GABRB1: variants seen among roughly 807,000 people sequenced by gnomAD.
GABRB1 encodes gamma-aminobutyric acid receptor subunit beta-1.
A neutral mutation model predicts 51.6 loss-of-function variants in GABRB1; 17 were observed. The ratio of observed to expected loss-of-function variants is 0.33; its 90% CI spans 0.23 to 0.49. The LOEUF is 0.49. Ranked by LOEUF, GABRB1 falls within the 20% of genes least tolerant of loss-of-function variation. The pLI, the probability that GABRB1 is intolerant of heterozygous loss-of-function variation, is 0.99. For synonymous variants in GABRB1, 247 were observed against 218.9 expected (o/e 1.13, Z -1.14); for missense variants, 410 against 600.6 (o/e 0.68, Z 3.32).
In GABRB1 at chr4:47,358,355, G is replaced by A. The variant is rs76968377; in HGVS notation, c.544+38146G>A. The stretch of plus-strand genomic sequence containing the variant: ...TGCTATATATATGCATATTATATAT[G>A]TGTGTGTGTATATATATGTGTGTGT... On this transcript the variant is annotated intron_variant, in intron 5 of 8. Coordinates refer to ENST00000295454, the MANE Select transcript of GABRB1 (RefSeq NM_000812.4). Among the ~76,000 whole-genome samples the A allele has an allele frequency of 7.8e-3, 1,153 of 148,016 alleles. 9 individuals carry two copies. Among genetic ancestry groups the A allele is most frequent in the African/African-American group, 0.028 (1,050 of 37,972 alleles).
intron 3 of GABRB1, among the ~76,000 whole-genome samples, chr4:47,136,959 G>A (rs1425878984): frequency 6.6e-6 from 1 of 152,042 alleles, no homozygotes; most frequent in Non-Finnish European, 1.5e-5. Context: ...CAAAAATCAA[G>A]CACCTGCAAA....
At chr4:47,166,690 A>G (rs1344645791) in intron 4 of GABRB1, among the ~76,000 whole-genome samples, 4 of 151,938 alleles carry the variant, frequency 2.6e-5, no homozygotes, top group Non-Finnish European at 5.9e-5. Flanking sequence ...AAGAGCCCTT[A>G]ATCCCTACAT....
intron 7 of GABRB1, among the ~76,000 whole-genome samples, chr4:47,404,544 A>T (rs1728506520): frequency 6.6e-6 from 1 of 151,390 alleles, no homozygotes; most frequent in South Asian, 2.1e-4. Flanking sequence ...TTCTGGCTAA[A>T]CTAACATATT....
chr4:47,306,356 G>A (rs189121650), intron 4 of GABRB1, among the ~76,000 whole-genome samples: 90 of 151,500 alleles, frequency 5.9e-4, no homozygotes, highest in African/African-American at 2.0e-3. Flanking sequence ...GTGGGAGGGA[G>A]GGGAACAGTG....
chr4:47,063,133 G>A (rs372663398), intron 3 of GABRB1, among the ~76,000 whole-genome samples: 1 of 152,010 alleles, frequency 6.6e-6, no homozygotes, highest in Non-Finnish European at 1.5e-5. Flanking sequence ...CCCCAAGCTC[G>A]TCTCTCACCT....
intron 4 of GABRB1, among the ~76,000 whole-genome samples, chr4:47,294,153 G>A (rs4695210): frequency 0.064 from 9,801 of 152,180 alleles, 517 homozygotes; most frequent in East Asian, 0.28. Flanking sequence ...GAACAGCTCC[G>A]TTCTACAGCT....
At position 47,279,858 on chromosome 4, in the gene GABRB1, T is replaced by A. The variant is rs181422139; in HGVS notation, c.462-40269T>A. Among the ~76,000 whole-genome samples, 467 of 152,006 alleles carry A rather than the reference T, an allele frequency of 3.1e-3. 5 individuals carry two copies. Among genetic ancestry groups the A allele is most frequent in the African/African-American group, 0.011 (442 of 41,452 alleles). On this transcript the variant is annotated intron_variant, in intron 4 of 8. Transcript: ENST00000295454. ...AATATAGTTTGGTCTTTTTTTTTTT[T>A]TAAATTCATTCAGTCACTCCTTAGA...
At chr4:47,362,964 A>G (rs887198735) in intron 5 of GABRB1, among the ~76,000 whole-genome samples, 1 of 152,084 alleles carries the variant, frequency 6.6e-6, no homozygotes, top group Non-Finnish European at 1.5e-5. Flanking sequence ...GCAAGATGCT[A>G]CACGAAGAAA....
chr4:47,149,613 C>T (rs151150681), intron 3 of GABRB1, among the ~76,000 whole-genome samples: 6 of 152,058 alleles, frequency 3.9e-5, no homozygotes, highest in African/African-American at 1.2e-4. Context: ...TTTTCCCATG[C>T]CATTAGTATG....
At chr4:47,334,284 C>A (rs1396772183) in intron 5 of GABRB1, among the ~76,000 whole-genome samples, 1 of 152,100 alleles carries the variant, frequency 6.6e-6, no homozygotes, top group African/African-American at 2.4e-5. Flanking sequence ...AAAAGCCTGT[C>A]TCACCTGTCC....
At chr4:47,025,099 T>C (rs934541487) in intron 1 of GABRB1, among the ~76,000 whole-genome samples, 2 of 150,582 alleles carry the variant, frequency 1.3e-5, no homozygotes, top group Admixed American at 6.7e-5. Context: ...ATCACATATA[T>C]ATATCATATA....
chr4:47,199,996 T>C (rs1279692858), intron 4 of GABRB1, among the ~76,000 whole-genome samples: 2 of 152,166 alleles, frequency 1.3e-5, no homozygotes, highest in Non-Finnish European at 2.9e-5. Flanking sequence ...GATATATTGA[T>C]TAACCAGGGT....
chr4:47,371,478 G>A (rs1727193259), intron 5 of GABRB1, among the ~76,000 whole-genome samples: 1 of 152,148 alleles, frequency 6.6e-6, no homozygotes, highest in South Asian at 2.1e-4. Context: ...GGTTCAAGTG[G>A]TATTTCTGCC....
chr4:47,114,111 C>T (rs2109634093), intron 3 of GABRB1, among the ~76,000 whole-genome samples: 1 of 152,306 alleles, frequency 6.6e-6, no homozygotes, highest in South Asian at 2.1e-4. Context: ...CTACCACATC[C>T]CACCAGAATC....
chr4:47,173,216 A>G, intron 4 of GABRB1, among the ~76,000 whole-genome samples: 1 of 152,182 alleles, frequency 6.6e-6, no homozygotes, highest in Admixed American at 6.5e-5. Flanking sequence ...TTGAAGAGAG[A>G]AATTTTTTGT....
chr4:47,134,981 C>T (rs1309750449), intron 3 of GABRB1, among the ~76,000 whole-genome samples: 2 of 151,946 alleles, frequency 1.3e-5, no homozygotes, highest in African/African-American at 4.8e-5. Flanking sequence ...ATAAAATTAG[C>T]CAGGTGTAGT....
At chr4:47,017,771 A>G (rs925759906) in intron 1 of GABRB1, among the ~76,000 whole-genome samples, 2 of 152,138 alleles carry the variant, frequency 1.3e-5, no homozygotes, top group Non-Finnish European at 1.5e-5. Flanking sequence ...TCATCTCTCA[A>G]TCAAAATTTT....
intron 4 of GABRB1, among the ~76,000 whole-genome samples, chr4:47,228,283 A>C (rs535977098): frequency 6.6e-6 from 1 of 152,234 alleles, no homozygotes; most frequent in Non-Finnish European, 1.5e-5. Flanking sequence ...GAATCTGTGA[A>C]ACCAGATGAA....
At chr4:47,055,601 A>G (rs1560513978) in intron 3 of GABRB1, among the ~76,000 whole-genome samples, 1 of 152,200 alleles carries the variant, frequency 6.6e-6, no homozygotes, top group Non-Finnish European at 1.5e-5. Context: ...TGGAGCCACC[A>G]GGTGAGAGGG....
Sources: gnomAD v4.1 joint callset for allele counts (sites outside exome capture counted in the v4.1 genomes callset) on GRCh38, gnomAD v4.1.1 for gene constraint, MANE v1.5 for transcripts, NCBI Gene and HGNC (gene_info 2026-07-23, HGNC 2026-07-21) for gene names.